NALCN: variants seen among roughly 807,000 people sequenced by gnomAD.
The protein encoded by NALCN is sodium leak channel NALCN.
NALCN carries 111 observed loss-of-function variants against 225.3 expected under a neutral mutation model. The observed-to-expected ratio is 0.49, with a 90% CI of 0.42 to 0.58. The LOEUF is 0.58. NALCN is among the 20% of genes least tolerant of loss of function. The pLI, the probability that NALCN is intolerant of heterozygous loss-of-function variation, is 0.00. For missense variants in NALCN, 1,378 were observed against 2,202.4 expected (o/e 0.63, Z 7.49); for synonymous variants, 764 against 769.0 (o/e 0.99, Z 0.11).
rs903946538 is a variant in NALCN at position 101,107,718 on chromosome 13, C to T, written c.2436G>A (p.Lys812=). The stretch of plus-strand genomic sequence containing the variant: ...TGTACCTTTTCATCTCTGCTTGCTC[C>T]TTTTTTTCCTGAATCATCTTTATTT... The part of the protein sequence containing the change: ...DSEIKMIQEK[K]EQAEMKRKVQ... Residue 812 remains lysine, a synonymous_variant, in exon 21 of 44, where the codon AAG becomes AAA. Transcript: ENST00000251127. 9 of 1,613,516 alleles carry T rather than the reference C, an allele frequency of 5.6e-6. No individual in the cohort carries two copies. The Admixed American group carries it at 1.5e-4, about 27-fold the overall frequency.
rs2034122858 is a variant in NALCN, at chr13:101,089,748, T to C, written c.3404A>G (p.Tyr1135Cys). ...ACCCAGGAATACAAAAACATGAATA[T>C]AGATTCCATGGATCTGCATAAAGGA... ...IHRVGPIHGI[Y>C]IHVFVFLGCM... The change falls in exon 30 of 44, where the codon TAT (tyrosine) becomes TGT (cysteine). Residue 1135 changes from tyrosine (Y) to cysteine (C), a missense_variant. Tyr to Cys is a radical substitution (Grantham distance 194, BLOSUM62 -2). Coordinates refer to ENST00000251127, the MANE Select transcript of NALCN (RefSeq NM_052867.4). This position sits in a 1 kb window ranked among gnomAD's most constrained non-coding sequence, Gnocchi z 4.7. 2 of 1,613,940 alleles carry C rather than the reference T, an allele frequency of 1.2e-6. No individual in the cohort carries two copies. Among genetic ancestry groups the C allele is most frequent in the African/African-American group, 1.3e-5 (1 of 74,920 alleles).
rs71200724 is a variant in NALCN, at chr13:101,180,204, CT to C, written c.1765-3831del. 8.8e-3 allele frequency among the ~76,000 whole-genome samples: 964 copies of C among 109,956 alleles called. 4 individuals carry two copies. Among genetic ancestry groups the C allele is most frequent in the Admixed American group, 0.026 (265 of 10,066 alleles). 72.1% of individuals were successfully genotyped at this position (109,956 alleles called of 152,430 possible). A position where few individuals can be genotyped will look rare whatever the true frequency, so the allele number is the denominator to read the frequency against. ...TAATCCACTATACTCTCCACCTGGT[CT>C]TTTTTTTTTTTTTTTTTTTGAGACA... is the stretch of plus-strand genomic sequence containing the variant. On this transcript the variant is annotated intron_variant, in intron 14 of 43. Coordinates refer to ENST00000251127, the MANE Select transcript of NALCN (RefSeq NM_052867.4).
intron 30 of NALCN, among the ~76,000 whole-genome samples, chr13:101,085,680 A>C (rs2139527979): frequency 6.6e-6 from 1 of 152,342 alleles, no homozygotes; most frequent in Middle Eastern, 3.4e-3. Flanking sequence ...ATGTACAATT[A>C]TGCGCTGATT....
At chr13:101,187,198 T>C (rs935270517) in intron 14 of NALCN, among the ~76,000 whole-genome samples, 1 of 152,338 alleles carries the variant, frequency 6.6e-6, no homozygotes, top group Non-Finnish European at 1.5e-5. Flanking sequence ...TATATTGTCA[T>C]AACTGTTCTA....
At chr13:101,331,298 A>G (rs1431880873) in intron 7 of NALCN, among the ~76,000 whole-genome samples, 1 of 152,232 alleles carries the variant, frequency 6.6e-6, no homozygotes, top group Non-Finnish European at 1.5e-5. Context: ...TGAAGAAAAG[A>G]TTAGAAAGAA....
chr13:101,069,760 T>G (rs2032713776), intron 37 of NALCN, among the ~76,000 whole-genome samples: 1 of 152,224 alleles, frequency 6.6e-6, no homozygotes, highest in Admixed American at 6.5e-5. Context: ...TTTGTTGTCA[T>G]TATGACTATG....
chr13:101,171,248 A>T (rs1395563082), intron 15 of NALCN, among the ~76,000 whole-genome samples: 1 of 137,640 alleles, frequency 7.3e-6, no homozygotes, highest in East Asian at 1.9e-4. Context: ...TATTACACAC[A>T]TTATGTATAA....
chr13:101,102,009 T>A (rs866398834), intron 26 of NALCN, among the ~76,000 whole-genome samples: 2 of 152,144 alleles, frequency 1.3e-5, no homozygotes, highest in Non-Finnish European at 2.9e-5. Context: ...CAAGAATTTT[T>A]AAACCCATCT....
intron 15 of NALCN, among the ~76,000 whole-genome samples, chr13:101,172,308 C>T (rs1157150990): frequency 6.6e-6 from 1 of 152,204 alleles, no homozygotes; most frequent in Non-Finnish European, 1.5e-5. Flanking sequence ...TGCTCACATT[C>T]CTAACTCTGG....
rs1376221142 is a variant in NALCN at position 101,067,259 on chromosome 13, AGAGGAGGTGGACGAG to A, written c.4446+644_4446+658del. 9.0e-4 allele frequency among the ~76,000 whole-genome samples: 90 copies of A among 99,928 alleles called. 1 individual carries two copies. The highest frequency in any genetic ancestry group is 2.7e-3 in the African/African-American group (55 of 20,284). 65.6% of individuals were successfully genotyped at this position (99,928 alleles called of 152,430 possible). A position where few individuals can be genotyped will look rare whatever the true frequency, so the allele number is the denominator to read the frequency against. Reference sequence around the variant, plus strand: ...GAGGTAGGGGGGAAGATGAGGTGGAAGAGGAGGTGGACGAGGAGGAGGGGGAAGAGGAGGGGGAAG... The same window carrying A: ...GAGGTAGGGGGGAAGATGAGGTGGAAGAGGAGGGGGAAGAGGAGGGGGAAG... On this transcript the variant is annotated intron_variant, in intron 39 of 43. Coordinates refer to ENST00000251127, the MANE Select transcript of NALCN (RefSeq NM_052867.4).
chr13:101,067,035 G>A (rs959588667), intron 39 of NALCN, among the ~76,000 whole-genome samples: 3 of 151,718 alleles, frequency 2.0e-5, no homozygotes, highest in Non-Finnish European at 4.4e-5. Context: ...TTTATTATTT[G>A]TCTCCACCTA....
intron 15 of NALCN, among the ~76,000 whole-genome samples, chr13:101,163,042 C>T (rs1337017701): frequency 2.0e-5 from 3 of 151,952 alleles, no homozygotes; most frequent in African/African-American, 4.8e-5. Flanking sequence ...GCTAGGACTA[C>T]AGGCGCCCGC....
intron 12 of NALCN, among the ~76,000 whole-genome samples, chr13:101,233,661 C>G (rs957630317): frequency 1.3e-5 from 2 of 152,076 alleles, no homozygotes; most frequent in East Asian, 3.9e-4. Flanking sequence ...TTAGCTCCAT[C>G]ATCTGCTAGG....
intron 11 of NALCN, among the ~76,000 whole-genome samples, chr13:101,247,954 A>G (rs1020307481): frequency 1.3e-5 from 2 of 152,112 alleles, no homozygotes; most frequent in Admixed American, 6.6e-5. Context: ...GCTGAGGATG[A>G]TGGCTTCCCG....
At chr13:101,070,818 A>G (rs982522066) in intron 37 of NALCN, among the ~76,000 whole-genome samples, 4 of 152,174 alleles carry the variant, frequency 2.6e-5, no homozygotes, top group Non-Finnish European at 5.9e-5. Context: ...CCATTCTCAC[A>G]CTGCTAATAA....
chr13:101,228,480 C>T (rs1397700013), intron 13 of NALCN, among the ~76,000 whole-genome samples: 1 of 152,052 alleles, frequency 6.6e-6, no homozygotes, highest in Non-Finnish European at 1.5e-5. Context: ...GGCGGTTTCC[C>T]CCCTGCTGCT....
At chr13:101,372,853 A>G (rs924420675) in intron 6 of NALCN, among the ~76,000 whole-genome samples, 1 of 152,148 alleles carries the variant, frequency 6.6e-6, no homozygotes, top group Non-Finnish European at 1.5e-5. Context: ...TCAACATGAA[A>G]AACAGACTAA....
At chr13:101,334,453 A>C (rs1332451051) in intron 7 of NALCN, among the ~76,000 whole-genome samples, 1 of 152,064 alleles carries the variant, frequency 6.6e-6, no homozygotes, top group Non-Finnish European at 1.5e-5. Context: ...TCCAGGAAGA[A>C]TGGGATGAAT....
At chr13:101,192,742 C>T (rs577472559) in intron 13 of NALCN, among the ~76,000 whole-genome samples, 1 of 152,306 alleles carries the variant, frequency 6.6e-6, no homozygotes, top group East Asian at 1.9e-4. Flanking sequence ...AAATCTCACA[C>T]ACTTTCTGCC....
Sources: allele counts gnomAD v4.1 joint callset (sites outside exome capture counted in the v4.1 genomes callset), GRCh38; gene constraint gnomAD v4.1.1; non-coding constraint Gnocchi (gnomAD v3.1); transcripts MANE v1.5; gene names NCBI Gene and HGNC (gene_info 2026-07-23, HGNC 2026-07-21).